The following SYK variants were observed in gnomAD, a reference collection of about 807,000 sequenced individuals.
SYK encodes tyrosine-protein kinase SYK.
SYK carries 16 observed loss-of-function variants against 77.8 expected under a neutral mutation model. The ratio of observed to expected loss-of-function variants is 0.21; its 90% confidence interval spans 0.14 to 0.31. The LOEUF (loss-of-function observed/expected upper bound fraction) is 0.31. SYK is among the 10% of genes least tolerant of loss of function. SYK has a pLI of 1.00. For synonymous variants in SYK, 312 were observed against 308.7 expected, an observed-to-expected ratio of 1.01 and a Z score of -0.11; for missense variants, 529 against 814.4, an observed-to-expected ratio of 0.65 and a Z score of 4.26.
chr9:90,808,097 A>T (rs1412398917), intron 1 of SYK, among the ~76,000 whole-genome samples: 1 of 152,158 alleles, frequency 6.6e-6, no homozygotes, highest in African/African-American at 2.4e-5. Context: ...CAGTGCTGCA[A>T]TGAATGCACT....
chr9:90,831,216 A>T (rs1825879655), intron 1 of SYK, among the ~76,000 whole-genome samples: 1 of 152,080 alleles, frequency 6.6e-6, no homozygotes, highest in Non-Finnish European at 1.5e-5. Context: ...ATCGCTAAGG[A>T]CTGCTGGAAA....
chr9:90,815,320 G>A lies in SYK; in HGVS notation c.-42+13427G>A, dbSNP rs1253590770. Among the ~76,000 whole-genome samples, 4 of 152,234 alleles carry A rather than the reference G, an allele frequency of 2.6e-5. No individual in the cohort carries two copies. The East Asian group carries it at 7.7e-4, about 29-fold the overall frequency. The stretch of plus-strand genomic sequence containing the variant: ...TGTAAGTAATCAAGGCAGGCTGAGA[G>A]GGGAGCCTTCTGAGGCACCCCAGTG... On this transcript the variant is annotated intron_variant, in intron 1 of 13. Transcript: ENST00000375754.
chr9:90,858,642 C>G (rs2118757693), intron 3 of SYK, among the ~76,000 whole-genome samples: 1 of 152,350 alleles, frequency 6.6e-6, no homozygotes, highest in Middle Eastern at 3.4e-3. Context: ...GAGGAGCAAG[C>G]CTTCCAAATC....
At chr9:90,806,513 G>A (rs1824842161) in intron 1 of SYK, among the ~76,000 whole-genome samples, 1 of 152,028 alleles carries the variant, frequency 6.6e-6, no homozygotes, top group Non-Finnish European at 1.5e-5. Flanking sequence ...GGGATTATAG[G>A]CATGATCCAC....
intron 3 of SYK, among the ~76,000 whole-genome samples, chr9:90,846,955 A>G (rs1032593988): frequency 1.3e-5 from 2 of 152,224 alleles, no homozygotes; most frequent in African/African-American, 2.4e-5. Flanking sequence ...TCAACCCAAA[A>G]TAGCATAATC....
At chr9:90,885,861 G>A (rs1035802224) in intron 11 of SYK, among the ~76,000 whole-genome samples, 2 of 152,188 alleles carry the variant, frequency 1.3e-5, no homozygotes, top group Admixed American at 1.3e-4. Flanking sequence ...TTACAGGCCA[G>A]GAGAGAAGGG....
rs758264283 is a variant in SYK at position 90,895,611 on chromosome 9, A to C, written c.*11A>C. 2.5e-6 allele frequency: 4 copies of C among 1,613,184 alleles called. No individual in the cohort carries two copies. The highest frequency in any genetic ancestry group is 3.4e-6 in the Non-Finnish European group (4 of 1,179,352). ...GACGTGGTGAACTAACCGCTCCCGC[A>C]CCTGTCGGTGGCTGCCTTTGATCAC... On this transcript the variant is annotated 3_prime_UTR_variant, in exon 14 of 14. Coordinates refer to ENST00000375754, the MANE Select transcript of SYK (RefSeq NM_003177.7). The surrounding 1 kb of genome is among the most constrained non-coding windows in gnomAD (Gnocchi z 4.4).
chr9:90,893,927 G>A lies in SYK; in HGVS notation c.1836-1601G>A, dbSNP rs367622403. On this transcript the variant is annotated intron_variant, in intron 13 of 13. Coordinates refer to ENST00000375754, the MANE Select transcript of SYK (RefSeq NM_003177.7). ...CAGGCCAGGAAGCTGGGCACGCAAG[G>A]GCACTGCATCACCCTCCTGCTGCTG... is the stretch of plus-strand genomic sequence containing the variant. Among the ~76,000 whole-genome samples the A allele has an allele frequency of 7.2e-5, 11 of 152,188 alleles. No individual in the cohort carries two copies. In the East Asian group the frequency reaches 2.1e-3, roughly 29 times the overall value.
At chr9:90,846,188 C>T (rs1370334557) in intron 3 of SYK, among the ~76,000 whole-genome samples, 4 of 152,164 alleles carry the variant, frequency 2.6e-5, no homozygotes, top group Admixed American at 2.6e-4. Flanking sequence ...GAGATACAGG[C>T]CAACGTGGTC....
chr9:90,832,484 G>A (rs907511439), intron 1 of SYK, among the ~76,000 whole-genome samples: 1 of 152,210 alleles, frequency 6.6e-6, no homozygotes, highest in African/African-American at 2.4e-5. Context: ...ATTTTCTACA[G>A]GTAAACGTGG....
At chr9:90,843,388 G>T (rs908708406) in intron 1 of SYK, among the ~76,000 whole-genome samples, 1 of 152,148 alleles carries the variant, frequency 6.6e-6, no homozygotes, top group African/African-American at 2.4e-5. Flanking sequence ...TGGTGGTAGC[G>T]TCCTCCTTGG....
chr9:90,888,477 A>G, intron 12 of SYK, 38 bp from the exon 13 acceptor site: 4 of 417,094 alleles, frequency 9.6e-6, no homozygotes, highest in Non-Finnish European at 1.4e-5. Flanking sequence ...TAACACCTTT[A>G]AAAAAAAAAA....
At chr9:90,890,845 G>A (rs547913278) in intron 13 of SYK, among the ~76,000 whole-genome samples, 5 of 152,162 alleles carry the variant, frequency 3.3e-5, no homozygotes, top group African/African-American at 9.7e-5. Flanking sequence ...GTTGCCTCAC[G>A]CCAAGGAAAT....
intron 6 of SYK, 128 bp from the exon 7 acceptor site, chr9:90,867,003 C>G (rs1453718115): frequency 3.1e-6 from 3 of 957,402 alleles, no homozygotes; most frequent in African/African-American, 1.6e-5. Flanking sequence ...TGGTCGATCT[C>G]ATTGGCAGGG....
chr9:90,867,040 T>C, intron 6 of SYK, 91 bp from the exon 7 acceptor site: 3 of 1,457,938 alleles, frequency 2.1e-6, no homozygotes, highest in South Asian at 2.3e-5. Flanking sequence ...GGTGCGATTA[T>C]AGAAGCAAAT....
At chr9:90,873,937 A>G (rs1391057014) in intron 7 of SYK, among the ~76,000 whole-genome samples, 1 of 152,228 alleles carries the variant, frequency 6.6e-6, no homozygotes, top group Admixed American at 6.5e-5. Context: ...CCAGGCCAGT[A>G]GAGTTGACTC....
intron 1 of SYK, among the ~76,000 whole-genome samples, chr9:90,820,281 G>A (rs1484191315): frequency 6.6e-6 from 1 of 152,220 alleles, no homozygotes; most frequent in Non-Finnish European, 1.5e-5. Flanking sequence ...GGCTCCACTA[G>A]GCAGTGCCCC....
Position 90,844,851 on chromosome 9 carries a change from G to A in SYK, c.417+536G>A, listed in dbSNP as rs113733495. ...CTAACAACATTGCTCTAGACCTATC[G>A]TATACTACACTTGTATGCAACGTCT... On this transcript the variant is annotated intron_variant, in intron 2 of 13. Coordinates refer to ENST00000375754, the MANE Select transcript of SYK (RefSeq NM_003177.7). Among the ~76,000 whole-genome samples the A allele has an allele frequency of 5.2e-3, 799 of 152,288 alleles. 4 individuals are homozygous for A. Among genetic ancestry groups the A allele is most frequent in the South Asian group, 8.9e-3 (43 of 4,828 alleles).
intron 1 of SYK, among the ~76,000 whole-genome samples, chr9:90,803,534 G>A (rs937128465): frequency 2.0e-5 from 3 of 151,956 alleles, no homozygotes; most frequent in Non-Finnish European, 2.9e-5. Flanking sequence ...TGGTAGAAAC[G>A]TTATTTTATT....
Sources: gnomAD v4.1 joint callset for allele counts (sites outside exome capture counted in the v4.1 genomes callset) on GRCh38, gnomAD v4.1.1 for gene constraint, Gnocchi (gnomAD v3.1) non-coding constraint, MANE v1.5 for transcripts, NCBI Gene and HGNC (gene_info 2026-07-23, HGNC 2026-07-21) for gene names.